The following DENND4A variants were observed in gnomAD, a reference collection of about 807,000 sequenced individuals.
DENND4A encodes DENN domain containing 4A.
Under a neutral mutation model 199.3 loss-of-function variants are expected in DENND4A, and 70 were observed. That is an observed-to-expected ratio of 0.35 (90% CI 0.29 to 0.43). The LOEUF (loss-of-function observed/expected upper bound fraction) is 0.43. Ranked by LOEUF, DENND4A falls within the 20% of genes least tolerant of loss-of-function variation. The pLI, the probability that DENND4A is intolerant of heterozygous loss-of-function variation, is 1.00. For synonymous variants in DENND4A, 686 were observed against 766.9 expected, an observed-to-expected ratio of 0.89 and a Z score of 1.74; for missense variants, 1,723 against 2,255.8, an observed-to-expected ratio of 0.76 and a Z score of 4.78.
At chr15:65,746,590 T>C (rs906369411) in intron 4 of DENND4A, among the ~76,000 whole-genome samples, 1 of 151,382 alleles carries the variant, frequency 6.6e-6, no homozygotes, top group African/African-American at 2.4e-5. Context: ...TTCAGCATGT[T>C]GGCCAGGCTG....
chr15:65,699,964 T>C (rs1337112770), intron 20 of DENND4A, among the ~76,000 whole-genome samples: 1 of 151,816 alleles, frequency 6.6e-6, no homozygotes, highest in Non-Finnish European at 1.5e-5. Context: ...AGGCATGAGC[T>C]ATCACACCCA....
intron 4 of DENND4A, among the ~76,000 whole-genome samples, chr15:65,747,375 C>A (rs1163922477): frequency 1.3e-5 from 2 of 152,138 alleles, no homozygotes; most frequent in African/African-American, 4.8e-5. Flanking sequence ...TTTGAAAACT[C>A]TTTCTATAAG....
At chr15:65,777,104 G>T (rs555185492) in intron 1 of DENND4A, among the ~76,000 whole-genome samples, 1 of 152,260 alleles carries the variant, frequency 6.6e-6, no homozygotes, top group African/African-American at 2.4e-5. Context: ...GGAAGCGGAG[G>T]ATGCAGTGAG....
In DENND4A at chr15:65,752,551, T is replaced by G. The variant is rs773463827; in HGVS notation, c.389A>C (p.Asn130Thr). ...IQSTPYGRPA[N>T]ISGSTSSQRI... ...TTGTGATGAGGTACTCCCACTAATA[T>G]TTGCGGGGCGCCCATAGGGAGTACT... The change falls in exon 4 of 33, where the codon AAT becomes ACT. Residue 130 changes from asparagine (N) to threonine (T), a missense_variant. By Grantham distance (65) the Asn-to-Thr change is moderately conservative. This residue lies in a region of DENND4A where 725 missense variants were observed against 952.9 expected (regional missense o/e 0.76). Transcript: ENST00000443035. 6.2e-7 allele frequency: 1 copy of G among 1,612,836 alleles called. No individual in the cohort carries two copies. Among genetic ancestry groups the G allele is most frequent in the South Asian group, 1.1e-5 (1 of 90,958 alleles).
chr15:65,688,725 A>C (rs548195196), intron 23 of DENND4A, among the ~76,000 whole-genome samples: 1 of 152,304 alleles, frequency 6.6e-6, no homozygotes, highest in South Asian at 2.1e-4. Context: ...TTTCTCTTGA[A>C]GTTTATCTGC....
intron 22 of DENND4A, 65 bp downstream of exon 22, chr15:65,696,301 A>G: frequency 1.3e-6 from 2 of 1,523,290 alleles, no homozygotes; most frequent in Non-Finnish European, 1.8e-6. Flanking sequence ...TAAAAAAATA[A>G]GTATTCACTA....
In DENND4A at chr15:65,718,008, T is replaced by TA; in HGVS notation, c.1589-13dup. The TA allele has an allele frequency of 1.3e-6, 2 of 1,559,676 alleles. No homozygotes were observed. The highest frequency in any genetic ancestry group is 1.4e-5 in the African/African-American group (1 of 73,770). On this transcript the variant is annotated splice_polypyrimidine_tract_variant and intron_variant, in intron 12 of 32. Transcript: ENST00000443035. ...CGGTCTCTGCTGCACTGTGAAGACATACAGTGTTAGTGTTTTCTCCAAACT... is the reference window on the plus strand; with the variant it reads ...CGGTCTCTGCTGCACTGTGAAGACATAACAGTGTTAGTGTTTTCTCCAAACT...
At chr15:65,777,999 C>T (rs907067932) in intron 1 of DENND4A, among the ~76,000 whole-genome samples, 1 of 152,008 alleles carries the variant, frequency 6.6e-6, no homozygotes, top group African/African-American at 2.4e-5. Context: ...GGCCAATGCA[C>T]TCCAGCCTGG....
At chr15:65,776,238 T>A (rs1344480980) in intron 1 of DENND4A, among the ~76,000 whole-genome samples, 3 of 152,214 alleles carry the variant, frequency 2.0e-5, no homozygotes, top group Non-Finnish European at 4.4e-5. Context: ...CAATAAATGT[T>A]TGCTAAATAA....
intron 8 of DENND4A, 42 bp downstream of exon 8, chr15:65,732,710 A>T: frequency 8.4e-7 from 1 of 1,192,410 alleles, no homozygotes; most frequent in Non-Finnish European, 1.2e-6. Context: ...CAGAGCCAAT[A>T]ACAACTCATA....
chr15:65,662,209 C>T (rs1453651499), intron 32 of DENND4A, among the ~76,000 whole-genome samples: 1 of 152,192 alleles, frequency 6.6e-6, no homozygotes, highest in Non-Finnish European at 1.5e-5. Flanking sequence ...ATGTTAAAAA[C>T]CACCAAATAC....
rs201648443 is a variant in DENND4A, at chr15:65,764,970, TC to T, written c.-101-3533del. On this transcript the variant is annotated intron_variant, in intron 1 of 32. Transcript: ENST00000443035. ...CTGGGTGACAGAGCGAGACCCTGTC[TC>T]CAAAAAAAAAAAAAAAAAAAGTAAC... 1.1e-3 allele frequency among the ~76,000 whole-genome samples: 112 copies of T among 102,054 alleles called. 4 individuals are homozygous for T. In the East Asian group the frequency reaches 0.017, roughly 16 times the overall value. 67.0% of individuals were successfully genotyped at this position (102,054 alleles called of 152,430 possible).
chr15:65,701,289 AG>A, intron 18 of DENND4A, 97 bp from the exon 19 acceptor site: 2 of 1,076,146 alleles, frequency 1.9e-6, no homozygotes, highest in Non-Finnish European at 2.5e-6. Context: ...AAAGTAGGCC[AG>A]GAGTGGTGGC....
At chr15:65,772,178 C>T (rs945545506) in intron 1 of DENND4A, 5 of 681,526 alleles carry the variant, frequency 7.3e-6, no homozygotes, top group Non-Finnish European at 1.1e-5. Context: ...ATTACATTAG[C>T]AACACCATTA....
At position 65,660,544 on chromosome 15, in the gene DENND4A, C is replaced by A; in HGVS notation, c.*1307G>T. 1 of 394,738 alleles carries A rather than the reference C, an allele frequency of 2.5e-6. No individual in the cohort carries two copies. Among genetic ancestry groups the A allele is most frequent in the South Asian group, 1.2e-4 (1 of 8,634 alleles). 24.5% of individuals were successfully genotyped at this position (394,738 alleles called of 1,614,324 possible). On this transcript the variant is annotated 3_prime_UTR_variant, in exon 33 of 33. Transcript: ENST00000443035. ...GAAAATCTATAACTAATTCTAGCAG[C>A]CAAAAGATGTTTTTCCTTACCAGAA...
At chr15:65,771,681 G>A in intron 1 of DENND4A, 1 of 1,610,766 alleles carries the variant, frequency 6.2e-7, no homozygotes, top group Non-Finnish European at 8.5e-7. Context: ...CTACCTGAAG[G>A]AAATCCACCC....
At chr15:65,716,155 A>G (rs956447939) in intron 13 of DENND4A, among the ~76,000 whole-genome samples, 5 of 152,002 alleles carry the variant, frequency 3.3e-5, no homozygotes, top group African/African-American at 1.2e-4. Flanking sequence ...TTCCAGTCTC[A>G]GGGACTGTGT....
At chr15:65,705,282 T>C (rs1483731213) in intron 15 of DENND4A, among the ~76,000 whole-genome samples, 1 of 152,138 alleles carries the variant, frequency 6.6e-6, no homozygotes, top group African/African-American at 2.4e-5. Flanking sequence ...TCAATGAAAA[T>C]AACAAACCAT....
At chr15:65,679,777 G>T (rs2076509032) in intron 23 of DENND4A, among the ~76,000 whole-genome samples, 1 of 151,832 alleles carries the variant, frequency 6.6e-6, no homozygotes. Flanking sequence ...GAATGACAGA[G>T]CTCAATGTTA....
Sources: allele counts gnomAD v4.1 joint callset (sites outside exome capture counted in the v4.1 genomes callset), GRCh38; gene constraint gnomAD v4.1.1; regional missense constraint gnomAD v4.1.1; transcripts MANE v1.5; gene names NCBI Gene and HGNC (gene_info 2026-07-23, HGNC 2026-07-21).